Variants in TMEM132B observed in about 807,000 individuals in gnomAD.
The protein encoded by TMEM132B is transmembrane protein 132B.
A neutral mutation model predicts 90.8 loss-of-function variants in TMEM132B; 18 were observed. That is an observed-to-expected ratio of 0.20 (90% CI 0.14 to 0.29). The LOEUF (loss-of-function observed/expected upper bound fraction) is 0.29. TMEM132B is among the 10% of genes least tolerant of loss of function. The pLI is 1.00. For missense variants in TMEM132B, 1,096 were observed against 1,326.8 expected, an observed-to-expected ratio of 0.83 and a Z score of 2.70; for synonymous variants, 504 against 523.3, an observed-to-expected ratio of 0.96 and a Z score of 0.50.
intron 3 of TMEM132B, among the ~76,000 whole-genome samples, chr12:125,478,683 C>T (rs1324285105): frequency 6.6e-6 from 1 of 152,218 alleles, no homozygotes; most frequent in African/African-American, 2.4e-5. Context: ...CTGGAAAACA[C>T]TCTTCAGGAT....
intron 3 of TMEM132B, among the ~76,000 whole-genome samples, chr12:125,483,152 A>G (rs1249206742): frequency 6.6e-6 from 1 of 152,110 alleles, no homozygotes; most frequent in Non-Finnish European, 1.5e-5. Flanking sequence ...GTAAATGACG[A>G]GTTAATGGGT....
intron 1 of TMEM132B, among the ~76,000 whole-genome samples, chr12:125,334,685 A>T: frequency 6.6e-6 from 1 of 152,230 alleles, no homozygotes; most frequent in Non-Finnish European, 1.5e-5. Flanking sequence ...CTCCATGCAC[A>T]ATGGATTCAC....
intron 4 of TMEM132B, among the ~76,000 whole-genome samples, chr12:125,541,098 G>A (rs549384489): frequency 6.6e-6 from 1 of 152,270 alleles, no homozygotes; most frequent in Admixed American, 6.5e-5. Context: ...AATATCACCT[G>A]GTAAGAGCGG....
intron 5 of TMEM132B, among the ~76,000 whole-genome samples, chr12:125,620,329 G>A (rs1886088670): frequency 6.6e-6 from 1 of 152,200 alleles, no homozygotes; most frequent in African/African-American, 2.4e-5. Context: ...ACAAAGCTGA[G>A]TAGGCAGAGC....
intron 3 of TMEM132B, among the ~76,000 whole-genome samples, chr12:125,443,258 T>A (rs1880921206): frequency 6.6e-6 from 1 of 152,190 alleles, no homozygotes; most frequent in African/African-American, 2.4e-5. Flanking sequence ...CTGTTTCTTG[T>A]GGTTCAGGAG....
rs73412508 is a variant in TMEM132B, at chr12:125,260,702, G to A, written c.67+73836G>A. Among the ~76,000 whole-genome samples, 481 of 152,130 alleles carry A rather than the reference G, an allele frequency of 3.2e-3. 4 individuals are homozygous for A. Among genetic ancestry groups the A allele is most frequent in the African/African-American group, 0.011 (464 of 41,490 alleles). On this transcript the variant is annotated intron_variant, in intron 1 of 8. Coordinates refer to ENST00000682704, the MANE Select transcript of TMEM132B (RefSeq NM_001366854.1). ...AATGCCAAGTTTAGCCTTGTCCTAAGGTATAAGTATTACTGGTTTGTTGTG... is the reference window on the plus strand; with the variant it reads ...AATGCCAAGTTTAGCCTTGTCCTAAAGTATAAGTATTACTGGTTTGTTGTG...
At chr12:125,355,880 A>G (rs1877752411) in intron 2 of TMEM132B, among the ~76,000 whole-genome samples, 1 of 152,182 alleles carries the variant, frequency 6.6e-6, no homozygotes, top group Admixed American at 6.5e-5. Flanking sequence ...CGTCTGAACA[A>G]AAATTAAATC....
chr12:125,243,444 C>G (rs1874135771), intron 1 of TMEM132B, among the ~76,000 whole-genome samples: 1 of 152,054 alleles, frequency 6.6e-6, no homozygotes, highest in Admixed American at 6.6e-5. Context: ...GTAGCTGGGA[C>G]TACAGGCGCC....
intron 5 of TMEM132B, among the ~76,000 whole-genome samples, chr12:125,643,005 G>A (rs1382086179): frequency 6.6e-6 from 1 of 152,180 alleles, no homozygotes; most frequent in Non-Finnish European, 1.5e-5. Context: ...TACTCTTTAA[G>A]TTTGGAAGTG....
rs141178134 is a variant in TMEM132B, at chr12:125,618,487, T to A, written c.1438-25589T>A. Among the ~76,000 whole-genome samples, 140 of 152,312 alleles carry A rather than the reference T, an allele frequency of 9.2e-4. 1 individual carries two copies. The highest frequency in any genetic ancestry group is 3.2e-3 in the African/African-American group (135 of 41,566). On this transcript the variant is annotated intron_variant, in intron 5 of 8. Transcript: ENST00000682704. ...TAAGAGCCCCATCTTTGACCACATC[T>A]GTCTGAAATAGAGATTCTGTTATTC... is the stretch of plus-strand genomic sequence containing the variant.
chr12:125,388,806 G>A (rs1001326637), intron 2 of TMEM132B, among the ~76,000 whole-genome samples: 1 of 152,184 alleles, frequency 6.6e-6, no homozygotes, highest in Non-Finnish European at 1.5e-5. Flanking sequence ...TTGCACACAT[G>A]TGGATATTGT....
At chr12:125,540,914 C>T (rs1213432395) in intron 4 of TMEM132B, among the ~76,000 whole-genome samples, 1 of 152,270 alleles carries the variant, frequency 6.6e-6, no homozygotes, top group Admixed American at 6.5e-5. Flanking sequence ...CCTAATCACT[C>T]TCTGTTTCCT....
intron 4 of TMEM132B, among the ~76,000 whole-genome samples, chr12:125,528,967 CTT>C (rs1883569832): frequency 7.0e-6 from 1 of 142,126 alleles, no homozygotes; most frequent in Non-Finnish European, 1.5e-5. Flanking sequence ...CTTCCCCCCT[CTT>C]TCTTTCTTCC....
chr12:125,466,939 G>A (rs1211169635), intron 3 of TMEM132B, among the ~76,000 whole-genome samples: 1 of 152,206 alleles, frequency 6.6e-6, no homozygotes, highest in African/African-American at 2.4e-5. Flanking sequence ...TAATGTAAAG[G>A]CACAGTGATG....
intron 1 of TMEM132B, among the ~76,000 whole-genome samples, chr12:125,346,308 T>G (rs184717645): frequency 6.6e-6 from 1 of 152,222 alleles, no homozygotes; most frequent in Non-Finnish European, 1.5e-5. Flanking sequence ...TATTAAAGTT[T>G]GCATTTATTT....
chr12:125,489,949 C>A (rs535175579), intron 3 of TMEM132B, among the ~76,000 whole-genome samples: 7 of 152,276 alleles, frequency 4.6e-5, no homozygotes, highest in Admixed American at 6.5e-5. Context: ...TGTGTTGGGA[C>A]TATCAATGAC....
chr12:125,199,636 G>C (rs1828042235), intron 1 of TMEM132B, among the ~76,000 whole-genome samples: 1 of 152,166 alleles, frequency 6.6e-6, no homozygotes, highest in Non-Finnish European at 1.5e-5. Flanking sequence ...TTTCCAATAA[G>C]ATTTTGAAGT....
chr12:125,345,574 C>T lies in TMEM132B; in HGVS notation c.68-3878C>T, dbSNP rs149193843. Among the ~76,000 whole-genome samples the T allele has an allele frequency of 2.1e-3, 325 of 152,292 alleles. 2 individuals carry two copies. The highest frequency in any genetic ancestry group is 7.5e-3 in the African/African-American group (313 of 41,556). Reference sequence around the variant, plus strand: ...ATTATTAATCTCCTCCCCTCTCTTCCTGCCGAGGCTGTCTTTAGGGCTTCC... The same window carrying T: ...ATTATTAATCTCCTCCCCTCTCTTCTTGCCGAGGCTGTCTTTAGGGCTTCC... On this transcript the variant is annotated intron_variant, in intron 1 of 8. Transcript: ENST00000682704.
intron 4 of TMEM132B, among the ~76,000 whole-genome samples, chr12:125,565,681 G>A (rs903391388): frequency 1.3e-5 from 2 of 152,158 alleles, no homozygotes; most frequent in Non-Finnish European, 2.9e-5. Flanking sequence ...TGTCCTCTCC[G>A]ACTGCCCCCA....
Sources: allele counts gnomAD v4.1 joint callset (sites outside exome capture counted in the v4.1 genomes callset), GRCh38; gene constraint gnomAD v4.1.1; transcripts MANE v1.5; gene names NCBI Gene and HGNC (gene_info 2026-07-23, HGNC 2026-07-21).